ZNF652: variants seen among roughly 807,000 people sequenced by gnomAD.
ZNF652 encodes the protein zinc finger protein 652.
ZNF652 carries 16 observed loss-of-function variants against 45.2 expected under a neutral mutation model. The ratio of observed to expected loss-of-function variants is 0.35; its 90% CI spans 0.24 to 0.54. The LOEUF (loss-of-function observed/expected upper bound fraction) is 0.54. Among genes scored for constraint, ZNF652 ranks in the 20% least tolerant of loss-of-function variants. The probability of loss-of-function intolerance (pLI) is 0.91; values close to 1 mark genes in which losing one functional copy is unlikely to be tolerated. For synonymous variants in ZNF652, 250 were observed against 260.6 expected, an observed-to-expected ratio of 0.96 and a Z score of 0.39; for missense variants, 614 against 765.6, an observed-to-expected ratio of 0.80 and a Z score of 2.34.
intron 1 of ZNF652, among the ~76,000 whole-genome samples, chr17:49,350,970 CATATAT>C (rs372720324): frequency 0.015 from 645 of 42,230 alleles, 7 homozygotes; most frequent in South Asian, 0.058. Context: ...ACTCTGTCTA[CATATAT>C]ATATATATAT....
At chr17:49,321,560 G>A (rs1350939204) in intron 1 of ZNF652, among the ~76,000 whole-genome samples, 5 of 151,046 alleles carry the variant, frequency 3.3e-5, no homozygotes, top group South Asian at 2.1e-4. Context: ...GTGAGCCACC[G>A]TGCCCAGCCA....
intron 1 of ZNF652, among the ~76,000 whole-genome samples, chr17:49,320,875 C>T (rs532572484): frequency 3.0e-5 from 3 of 99,938 alleles, no homozygotes; most frequent in South Asian, 9.6e-4. Context: ...TTTTTGGAGA[C>T]GGAGTCTCGC....
At chr17:49,339,830 GC>G (rs2070125727) in intron 1 of ZNF652, among the ~76,000 whole-genome samples, 1 of 152,202 alleles carries the variant, frequency 6.6e-6, no homozygotes, top group Non-Finnish European at 1.5e-5. Flanking sequence ...CGATGTAAAA[GC>G]CAAGAGATTC....
intron 5 of ZNF652, among the ~76,000 whole-genome samples, chr17:49,301,648 G>A (rs564399802): frequency 7.2e-5 from 11 of 152,222 alleles, no homozygotes; most frequent in Admixed American, 6.5e-4. Context: ...GCTCCTTACT[G>A]TGACTCATAT....
intron 5 of ZNF652, among the ~76,000 whole-genome samples, chr17:49,302,289 G>A (rs980041606): frequency 1.4e-5 from 2 of 138,894 alleles, no homozygotes; most frequent in South Asian, 2.6e-4. Flanking sequence ...GTATAGAAAT[G>A]TAATTTTTTT....
intron 1 of ZNF652, among the ~76,000 whole-genome samples, chr17:49,356,842 T>C (rs2070342802): frequency 6.6e-6 from 1 of 152,174 alleles, no homozygotes; most frequent in South Asian, 2.1e-4. Flanking sequence ...CTCACAGACT[T>C]ATCACAACGC....
intron 1 of ZNF652, chr17:49,322,416 T>C (rs1394132104): frequency 3.3e-5 from 5 of 152,212 alleles, no homozygotes; most frequent in African/African-American, 1.2e-4. Flanking sequence ...GTTCATTCAG[T>C]GGCTTCATGA....
rs1442303488 is a variant in ZNF652, at chr17:49,294,106, G to A, written c.*4307C>T. Among the ~76,000 whole-genome samples, 1 of 151,890 alleles carries A rather than the reference G, an allele frequency of 6.6e-6. No homozygotes were observed. Among genetic ancestry groups the A allele is most frequent in the Non-Finnish European group, 1.5e-5 (1 of 67,964 alleles). On this transcript the variant is annotated 3_prime_UTR_variant, in exon 6 of 6. Coordinates refer to ENST00000430262, the MANE Select transcript of ZNF652 (RefSeq NM_001145365.3). ...CTTCTCAAAATTTAAAACTTCCAGT[G>A]AAATAATAATGGAACTAAACATACA...
intron 1 of ZNF652, among the ~76,000 whole-genome samples, chr17:49,327,759 ATATATATATATATATATATATTTTTTT>A (rs1484324650): frequency 8.3e-4 from 8 of 9,664 alleles, no homozygotes; most frequent in East Asian, 4.8e-3. Context: ...ATATATATAT[ATATATATATATATATATATATTTTTTT>A]TTTTTTTTTT....
chr17:49,350,994 T>G (rs1567700116), intron 1 of ZNF652, among the ~76,000 whole-genome samples: 1 of 21,974 alleles, frequency 4.6e-5, no homozygotes, highest in African/African-American at 1.7e-4. Context: ...TATATATATA[T>G]ATATATATAT....
chr17:49,322,621 A>G (rs2069907807), intron 1 of ZNF652: 1 of 152,216 alleles, frequency 6.6e-6, no homozygotes, highest in African/African-American at 2.4e-5. Context: ...CAATAACTTT[A>G]TATCTTAAAA....
intron 1 of ZNF652, among the ~76,000 whole-genome samples, chr17:49,329,200 T>C (rs1191236847): frequency 6.6e-6 from 1 of 152,184 alleles, no homozygotes; most frequent in African/African-American, 2.4e-5. Flanking sequence ...TTTAACAAAC[T>C]AAAGACTCAA....
Position 49,294,761 on chromosome 17 carries a change from T to A in ZNF652, c.*3652A>T, listed in dbSNP as rs1156373865. 1 of 152,186 alleles carries A rather than the reference T, an allele frequency of 6.6e-6. No homozygotes were observed. The highest frequency in any genetic ancestry group is 1.5e-5 in the Non-Finnish European group (1 of 68,032). The allele number at this position is 152,186 out of a possible 1,614,324, so 9.4% of individuals were successfully genotyped here. On this transcript the variant is annotated 3_prime_UTR_variant, in exon 6 of 6. Coordinates refer to ENST00000430262, the MANE Select transcript of ZNF652 (RefSeq NM_001145365.3). ...AGCCTTTGAAGACAGTAAAACTAAG[T>A]AACGAGAGACAGCCTCAATTTGTTA... is the stretch of plus-strand genomic sequence containing the variant.
intron 1 of ZNF652, among the ~76,000 whole-genome samples, chr17:49,360,956 G>A (rs958400014): frequency 2.0e-5 from 3 of 152,150 alleles, no homozygotes; most frequent in Non-Finnish European, 4.4e-5. Flanking sequence ...TTGAACACGG[G>A]AACAATCTGG....
At chr17:49,355,622 G>A (rs550389210) in intron 1 of ZNF652, among the ~76,000 whole-genome samples, 14 of 152,100 alleles carry the variant, frequency 9.2e-5, no homozygotes, top group Admixed American at 3.9e-4. Context: ...AGTAGTGACC[G>A]GGCGCGGTGG....
At chr17:49,352,436 G>A (rs2070292308) in intron 1 of ZNF652, among the ~76,000 whole-genome samples, 2 of 152,178 alleles carry the variant, frequency 1.3e-5, no homozygotes, top group South Asian at 2.1e-4. Context: ...TGGCAGAGCT[G>A]AGCCTAGTAC....
chr17:49,315,229 T>TG (rs1278365177), intron 2 of ZNF652, among the ~76,000 whole-genome samples: 1 of 151,610 alleles, frequency 6.6e-6, no homozygotes, highest in Non-Finnish European at 1.5e-5. Flanking sequence ...TTAATAGAGA[T>TG]GGGGTTTCTC....
rs769869300 is a variant in ZNF652, at chr17:49,317,014, T to G, written c.712A>C (p.Lys238Gln). The G allele has an allele frequency of 1.2e-6, 2 of 1,614,184 alleles. No homozygotes were observed. The highest frequency in any genetic ancestry group is 1.7e-6 in the Non-Finnish European group (2 of 1,180,030). The change falls in exon 2 of 6, where the codon AAG becomes CAG. Residue 238 changes from lysine to glutamine, a missense_variant. Lys to Gln is a moderately conservative substitution (Grantham distance 53, BLOSUM62 1). This residue lies in a region of ZNF652 where 262 missense variants were observed against 306.3 expected (regional missense o/e 0.86). Coordinates refer to ENST00000430262, the MANE Select transcript of ZNF652 (RefSeq NM_001145365.3). Reference sequence around the variant, plus strand: ...GTCAGAGTCTCTTTCTCTTCACACTTAGCTTTCTGGACTGGTGCTTTGGGC... The same window carrying G: ...GTCAGAGTCTCTTTCTCTTCACACTGAGCTTTCTGGACTGGTGCTTTGGGC... ...KEPKAPVQKA[K>Q]CEEKETLTCE...
intron 1 of ZNF652, among the ~76,000 whole-genome samples, chr17:49,342,985 G>C (rs1433778294): frequency 1.3e-5 from 2 of 151,576 alleles, no homozygotes; most frequent in Non-Finnish European, 2.9e-5. Flanking sequence ...AGGTTCAAGC[G>C]ATTCTCCTGC....
Sources: gnomAD v4.1 joint callset for allele counts (sites outside exome capture counted in the v4.1 genomes callset) on GRCh38, gnomAD v4.1.1 for gene constraint, gnomAD v4.1.1 regional missense constraint, MANE v1.5 for transcripts, NCBI Gene and HGNC (gene_info 2026-07-23, HGNC 2026-07-21) for gene names.